MGAT4B: variants seen among roughly 807,000 people sequenced by gnomAD.
The protein encoded by MGAT4B is alpha-1,3-mannosyl-glycoprotein 4-beta-N-acetylglucosaminyltransferase B.
In MGAT4B, 38 loss-of-function variants were observed where a neutral mutation model predicts 73.9. That is an observed-to-expected ratio of 0.51 (90% CI 0.40 to 0.67). MGAT4B has a LOEUF of 0.67. MGAT4B is among the 30% of genes least tolerant of loss of function. The pLI is 0.00. For missense variants in MGAT4B, 686 were observed against 735.2 expected (o/e 0.93, Z 0.77); for synonymous variants, 373 against 313.5 (o/e 1.19, Z -2.01).
chr5:179,798,618 C>CT (rs769729873), intron 11 of MGAT4B, 27 bp from the exon 12 acceptor site: 3 of 1,611,718 alleles, frequency 1.9e-6, no homozygotes, highest in Non-Finnish European at 2.5e-6. Flanking sequence ...CTGTGAGCTG[C>CT]TGCAGGGGCA....
rs113756550 is a variant in MGAT4B at position 179,801,377 on chromosome 5, G to A, written c.515C>T (p.Pro172Leu). Reference protein sequence around the residue: ...TLHSLISELSPQEKEDSVIVV... With the variant: ...TLHSLISELSLQEKEDSVIVV... ...GATGACCGAGTCCTCCTTCTCCTGC[G>A]GGCTCAGCTCGGAGATGAGCGAGTG... is the stretch of plus-strand genomic sequence containing the variant. The change falls in exon 4 of 15, where the codon CCG becomes CTG. Residue 172 changes from proline to leucine, a missense_variant. By Grantham distance (98) the Pro-to-Leu change is moderately conservative (BLOSUM62 -3). Transcript: ENST00000292591. This position sits in a 1 kb window ranked among gnomAD's most constrained non-coding sequence, Gnocchi z 4.8. 0.017 allele frequency: 28,193 copies of A among 1,612,532 alleles called. 337 individuals are homozygous for A. The highest frequency in any genetic ancestry group is 0.021 in the Non-Finnish European group (25,260 of 1,179,478).
chr5:179,799,686 C>T, intron 8 of MGAT4B, 50 bp from the exon 9 acceptor site: 1 of 1,609,776 alleles, frequency 6.2e-7, no homozygotes, highest in Non-Finnish European at 8.5e-7. Context: ...TACTTCCTTT[C>T]TCCCTGCAGC....
Position 179,799,285 on chromosome 5 carries a change from T to A in MGAT4B, c.1067A>T (p.Asn356Ile). 1 of 1,613,882 alleles carries A rather than the reference T, an allele frequency of 6.2e-7. No homozygotes were observed. Among genetic ancestry groups the A allele is most frequent in the Non-Finnish European group, 8.5e-7 (1 of 1,180,018 alleles). The part of the protein sequence containing the change: ...DAKHCDRQKA[N>I]LRIRFKPSLF... Reference sequence around the variant, plus strand: ...GGACGGTTTGAAGCGGATCCGCAGGTTGGCTTTCTGCCGGTCACAGTGCTT... The same window carrying A: ...GGACGGTTTGAAGCGGATCCGCAGGATGGCTTTCTGCCGGTCACAGTGCTT... Residue 356 changes from asparagine to isoleucine, a missense_variant, in exon 10 of 15, where the codon AAC (asparagine) becomes ATC (isoleucine). Coordinates refer to ENST00000292591, the MANE Select transcript of MGAT4B (RefSeq NM_014275.5).
In MGAT4B at chr5:179,798,207, G is replaced by C. The variant is rs746872303; in HGVS notation, c.1581C>G (p.Leu527=). The change falls in exon 14 of 15, where the codon CTC becomes CTG. Residue 527 remains leucine, a synonymous_variant. Transcript: ENST00000292591. ...PAFGPLEALR[L]SIQTDSPVWV... ...ACACAGGGGAGTCCGTCTGGATCGA[G>C]AGGCGCAGTGCTTCCAGAGGGCCGA... 1 of 1,601,820 alleles carries C rather than the reference G, an allele frequency of 6.2e-7. No homozygotes were observed. Among genetic ancestry groups the C allele is most frequent in the East Asian group, 2.2e-5 (1 of 44,478 alleles).
chr5:179,804,232 C>T (rs1290753567), intron 1 of MGAT4B, among the ~76,000 whole-genome samples: 1 of 152,236 alleles, frequency 6.6e-6, no homozygotes, highest in East Asian at 1.9e-4. Context: ...GGAAAAGGGA[C>T]AGGCTCAGAG....
At chr5:179,798,898 C>G (rs1168743080) in intron 11 of MGAT4B, 30 bp downstream of exon 11, 1 of 1,612,442 alleles carries the variant, frequency 6.2e-7, no homozygotes, top group Non-Finnish European at 8.5e-7. Flanking sequence ...AGCCCCGCCC[C>G]CATCGCAGAC....
Position 179,806,661 on chromosome 5 carries a change from G to C in MGAT4B, c.-78C>G. 1 of 740,388 alleles carries C rather than the reference G, an allele frequency of 1.4e-6. No individual in the cohort carries two copies. The highest frequency in any genetic ancestry group is 1.7e-6 in the Non-Finnish European group (1 of 604,562). 45.9% of individuals were successfully genotyped at this position (740,388 alleles called of 1,614,324 possible). On this transcript the variant is annotated 5_prime_UTR_variant, in exon 1 of 15. Transcript: ENST00000292591. This position sits in a 1 kb window ranked among gnomAD's most constrained non-coding sequence, Gnocchi z 4.6. Reference sequence around the variant, plus strand: ...GACCGGGGCCGGGGCGCAGGGGTCGGAAGGCGGCGGCGGCGGCGGCAGGGG... The same window carrying C: ...GACCGGGGCCGGGGCGCAGGGGTCGCAAGGCGGCGGCGGCGGCGGCAGGGG...
chr5:179,800,755 G>A (rs1756883450), intron 5 of MGAT4B, 152 bp downstream of exon 5: 4 of 1,025,940 alleles, frequency 3.9e-6, no homozygotes, highest in Admixed American at 2.4e-5. Context: ...GAGGGGCTGG[G>A]CCACTTCTGC....
chr5:179,804,229 G>A (rs1440663848), intron 1 of MGAT4B, among the ~76,000 whole-genome samples: 1 of 152,220 alleles, frequency 6.6e-6, no homozygotes, highest in Non-Finnish European at 1.5e-5. Flanking sequence ...CAGGGAAAAG[G>A]GACAGGCTCA....
At position 179,799,274 on chromosome 5, in the gene MGAT4B, G is replaced by A. The variant is rs150969273; in HGVS notation, c.1078C>T (p.Arg360Cys). 7 of 1,613,836 alleles carry A rather than the reference G, an allele frequency of 4.3e-6. No homozygotes were observed. The highest frequency in any genetic ancestry group is 1.7e-5 in the Admixed American group (1 of 60,004). Residue 360 changes from arginine (R) to cysteine (C), a missense_variant, in exon 10 of 15, where the codon CGC becomes TGC. Transcript: ENST00000292591. The part of the protein sequence containing the change: ...CDRQKANLRI[R>C]FKPSLFQHVG... ...TGCTGGAAGAGGGACGGTTTGAAGC[G>A]GATCCGCAGGTTGGCTTTCTGCCGG...
Position 179,800,468 on chromosome 5 carries a change from G to T in MGAT4B, c.719+16C>A. 1 of 1,556,468 alleles carries T rather than the reference G, an allele frequency of 6.4e-7. No individual in the cohort carries two copies. ...AGGCAGGCGGGTTGCTGAGGGTATG[G>T]GGGAGTAACTAGTACCTGACTCTCT... On this transcript the variant is annotated intron_variant, in intron 6 of 14. Coordinates refer to ENST00000292591, the MANE Select transcript of MGAT4B (RefSeq NM_014275.5).
chr5:179,802,596 T>A (rs949127499), intron 1 of MGAT4B: 2 of 990,238 alleles, frequency 2.0e-6, no homozygotes, highest in Non-Finnish European at 2.4e-6. Context: ...CTGAACGCCC[T>A]GGTGCCTGTG....
At chr5:179,803,184 G>A (rs971602665) in intron 1 of MGAT4B, 4 of 985,362 alleles carry the variant, frequency 4.1e-6, no homozygotes, top group Non-Finnish European at 4.8e-6. Context: ...AGGGAGCCAG[G>A]TAGATCTTCC....
rs751505539 is a variant in MGAT4B, at chr5:179,801,932, C to T, written c.135G>A (p.Ala45=). 17 of 1,613,352 alleles carry T rather than the reference C, an allele frequency of 1.1e-5. No individual in the cohort carries two copies. Among genetic ancestry groups the T allele is most frequent in the East Asian group, 2.2e-5 (1 of 44,876 alleles). Residue 45 remains alanine, a synonymous_variant, in exon 2 of 15, where the codon GCG becomes GCA. Coordinates refer to ENST00000292591, the MANE Select transcript of MGAT4B (RefSeq NM_014275.5). The surrounding 1 kb of genome is among the most constrained non-coding windows in gnomAD (Gnocchi z 4.8). ...VVDVYQREFL[A]LRDRLHAAEQ... is the part of the protein sequence containing the mutation. ...CAGCTGCGTGCAACCGATCGCGCAG[C>T]GCCAGGAACTCCCGCTGGTAAACGT...
At chr5:179,805,911 G>A (rs913926082) in intron 1 of MGAT4B, among the ~76,000 whole-genome samples, 2 of 152,134 alleles carry the variant, frequency 1.3e-5, no homozygotes, top group Non-Finnish European at 2.9e-5. Context: ...GGAAGCTCGG[G>A]GTGCGGAGGA....
rs371351604 is a variant in MGAT4B, at chr5:179,798,235, G to T, written c.1553C>A (p.Ala518Asp). 3.1e-6 allele frequency: 5 copies of T among 1,608,330 alleles called. No homozygotes were observed. The highest frequency in any genetic ancestry group is 1.7e-5 in the Admixed American group (1 of 59,660). Reference protein sequence around the residue: ...KGVAEGEVDPAFGPLEALRLS... With the variant: ...KGVAEGEVDPDFGPLEALRLS... ...GCGCAGTGCTTCCAGAGGGCCGAAG[G>T]CTGGGTCCACCTCTCCCTCTGCCAC... Residue 518 changes from alanine (A) to aspartate (D), a missense_variant, in exon 14 of 15, where the codon GCC becomes GAC. Physicochemically the swap from Ala to Asp is moderately radical, Grantham distance 126. Coordinates refer to ENST00000292591, the MANE Select transcript of MGAT4B (RefSeq NM_014275.5).
At chr5:179,800,802 A>C (rs1581974813) in intron 5 of MGAT4B, 105 bp downstream of exon 5, 5 of 1,285,938 alleles carry the variant, frequency 3.9e-6, no homozygotes, top group Admixed American at 2.1e-5. Context: ...CTGCCTCCCC[A>C]CGAGATAGGA....
intron 1 of MGAT4B, among the ~76,000 whole-genome samples, chr5:179,805,945 C>T (rs1237154604): frequency 6.6e-6 from 1 of 151,794 alleles, no homozygotes; most frequent in South Asian, 2.1e-4. Flanking sequence ...CACGGGAGCG[C>T]AGGGCAGCAG....
rs10078686 is a variant in MGAT4B at position 179,802,039 on chromosome 5, A to C, written c.98-70T>G. Reference sequence around the variant, plus strand: ...ACCCTACGGGCCCCTCCAGTGTGCCAGCGCACACATCTGGGTGTCCACCTC... The same window carrying C: ...ACCCTACGGGCCCCTCCAGTGTGCCCGCGCACACATCTGGGTGTCCACCTC... On this transcript the variant is annotated intron_variant, in intron 1 of 14. Transcript: ENST00000292591. The C allele has an allele frequency of 3.6e-3, 5,826 of 1,611,510 alleles. 193 individuals carry two copies. The African/African-American group carries it at 0.07, about 19-fold the overall frequency.
Sources: gnomAD v4.1 joint callset for allele counts (sites outside exome capture counted in the v4.1 genomes callset) on GRCh38, gnomAD v4.1.1 for gene constraint, Gnocchi (gnomAD v3.1) non-coding constraint, MANE v1.5 for transcripts, NCBI Gene and HGNC (gene_info 2026-07-23, HGNC 2026-07-21) for gene names.